The following CDC42SE2 variants were observed in gnomAD, a reference collection of about 807,000 sequenced individuals.
CDC42SE2 encodes the protein CDC42 small effector protein 2.
Under a neutral mutation model 11.5 loss-of-function variants are expected in CDC42SE2, and 3 were observed. The ratio of observed to expected loss-of-function variants is 0.26; its 90% confidence interval spans 0.12 to 0.67. The LOEUF is 0.67. CDC42SE2 is among the 30% of genes least tolerant of loss of function. The pLI, the probability that CDC42SE2 is intolerant of heterozygous loss-of-function variation, is 0.80. For missense variants in CDC42SE2, 82 were observed against 106.8 expected, an observed-to-expected ratio of 0.77 and a Z score of 1.02; for synonymous variants, 33 against 34.8, an observed-to-expected ratio of 0.95 and a Z score of 0.18.
At chr5:131,351,670 T>G (rs1032634258) in intron 2 of CDC42SE2, among the ~76,000 whole-genome samples, 1 of 152,072 alleles carries the variant, frequency 6.6e-6, no homozygotes, top group Non-Finnish European at 1.5e-5. Context: ...CTTTATACTG[T>G]CAAAAACTAA....
chr5:131,270,965 A>G (rs1756983313), intron 1 of CDC42SE2, among the ~76,000 whole-genome samples: 1 of 152,092 alleles, frequency 6.6e-6, no homozygotes, highest in East Asian at 1.9e-4. Context: ...GGGGGAAGGT[A>G]TAGTTTTATT....
At chr5:131,254,621 G>T (rs1331253765) in intron 1 of CDC42SE2, among the ~76,000 whole-genome samples, 1 of 151,832 alleles carries the variant, frequency 6.6e-6, no homozygotes, top group Non-Finnish European at 1.5e-5. Context: ...GCTGTGCATT[G>T]CTCCTATTAC....
chr5:131,239,201 T>A, the CDC42SE2 span, among the ~76,000 whole-genome samples: 1 of 151,354 alleles, frequency 6.6e-6, no homozygotes, highest in Non-Finnish European at 1.5e-5. Context: ...GAAAGAAATA[T>A]ATATATATTA....
the CDC42SE2 span, among the ~76,000 whole-genome samples, chr5:131,220,456 C>T: frequency 6.6e-6 from 1 of 152,172 alleles, no homozygotes; most frequent in African/African-American, 2.4e-5. Context: ...CCGCCCACCT[C>T]AGCTTCCCAA....
At chr5:131,363,828 T>C (rs1358289093) in intron 3 of CDC42SE2, among the ~76,000 whole-genome samples, 1 of 151,828 alleles carries the variant, frequency 6.6e-6, no homozygotes, top group Non-Finnish European at 1.5e-5. Context: ...CCCGAGTAGC[T>C]GGGACTACAG....
intron 2 of CDC42SE2, among the ~76,000 whole-genome samples, chr5:131,344,589 C>T (rs560930217): frequency 1.6e-3 from 250 of 152,324 alleles, no homozygotes; most frequent in African/African-American, 5.7e-3. Flanking sequence ...CATAGCTGAA[C>T]AAAAGGCAGC....
At chr5:131,333,402 A>G (rs1353121937) in intron 2 of CDC42SE2, among the ~76,000 whole-genome samples, 2 of 152,194 alleles carry the variant, frequency 1.3e-5, no homozygotes, top group Admixed American at 1.3e-4. Flanking sequence ...AGGTAGCATG[A>G]TGCCTCCAGC....
chr5:131,334,858 T>C (rs1286785450), intron 2 of CDC42SE2, among the ~76,000 whole-genome samples: 3 of 152,202 alleles, frequency 2.0e-5, no homozygotes, highest in Non-Finnish European at 2.9e-5. Flanking sequence ...TTCTCTCTTT[T>C]CTTCTTTATT....
intron 1 of CDC42SE2, among the ~76,000 whole-genome samples, chr5:131,266,292 A>G (rs1405869481): frequency 6.6e-6 from 1 of 152,136 alleles, no homozygotes; most frequent in Non-Finnish European, 1.5e-5. Flanking sequence ...TGTCTTGATT[A>G]TTATGAAATA....
At chr5:131,352,432 T>C (rs1436996838) in intron 2 of CDC42SE2, among the ~76,000 whole-genome samples, 2 of 152,184 alleles carry the variant, frequency 1.3e-5, no homozygotes, top group Non-Finnish European at 2.9e-5. Flanking sequence ...AAGCCAGATG[T>C]GAAAAAGAGT....
At chr5:131,308,220 G>A (rs866018714) in intron 1 of CDC42SE2, among the ~76,000 whole-genome samples, 37 of 152,174 alleles carry the variant, frequency 2.4e-4, no homozygotes, top group African/African-American at 8.4e-4. Flanking sequence ...CCCATTGCTT[G>A]TTTTTCTCAG....
intron 1 of CDC42SE2, among the ~76,000 whole-genome samples, chr5:131,310,792 T>C (rs1322005620): frequency 0.017 from 2,617 of 151,942 alleles, 73 homozygotes; most frequent in African/African-American, 0.06. Flanking sequence ...TTTCCATTTG[T>C]TTGGTAGAGC....
rs1750634716 is a variant in CDC42SE2, at chr5:131,390,994, T to A, written c.158T>A (p.Val53Asp). The part of the protein sequence containing the change: ...SGDLFSGMNS[V>D]SSIQNQMQSK... ...TGTTGTATTTTTGTCTTGTTTTAGG[T>A]TAGCTCCATTCAGAACCAAATGCAG... The change falls in exon 5 of 5, where the codon GTT (valine) becomes GAT (aspartate). Residue 53 changes from valine (V) to aspartate (D), a missense_variant and splice_region_variant. Val to Asp is a radical substitution (Grantham distance 152). Coordinates refer to ENST00000505065, the MANE Select transcript of CDC42SE2 (RefSeq NM_001375635.1). 6.2e-7 allele frequency: 1 copy of A among 1,607,954 alleles called. No individual in the cohort carries two copies. The highest frequency in any genetic ancestry group is 8.5e-7 in the Non-Finnish European group (1 of 1,175,602).
At chr5:131,330,467 C>T (rs972562197) in intron 2 of CDC42SE2, among the ~76,000 whole-genome samples, 8 of 152,134 alleles carry the variant, frequency 5.3e-5, no homozygotes, top group Non-Finnish European at 1.2e-4. Context: ...TTATCCCTCC[C>T]ATCTGAAGGG....
In CDC42SE2 at chr5:131,392,492, C is replaced by CTTAT. The variant is rs1054714709; in HGVS notation, c.*1404_*1407dup. ...TTTCATAGAAAAAGATTACTTGTAG[C>CTTAT]TTATTTTAGAAGTATGACCTTTTGG... On this transcript the variant is annotated 3_prime_UTR_variant, in exon 5 of 5. Coordinates refer to ENST00000505065, the MANE Select transcript of CDC42SE2 (RefSeq NM_001375635.1). 1 of 152,334 alleles carries CTTAT rather than the reference C, an allele frequency of 6.6e-6. No homozygotes were observed. The highest frequency in any genetic ancestry group is 1.5e-5 in the Non-Finnish European group (1 of 68,016). 9.4% of individuals were successfully genotyped at this position (152,334 alleles called of 1,614,324 possible). A position where few individuals can be genotyped will look rare whatever the true frequency, so the allele number is the denominator to read the frequency against.
At chr5:131,233,155 C>G in the CDC42SE2 span, among the ~76,000 whole-genome samples, 676 of 152,164 alleles carry the variant, frequency 4.4e-3, 9 homozygotes, top group African/African-American at 0.016. Context: ...AAGACCCACA[C>G]TGTTCTACAT....
chr5:131,292,569 A>C (rs866863606), intron 1 of CDC42SE2, among the ~76,000 whole-genome samples: 2,984 of 150,128 alleles, frequency 0.02, 63 homozygotes, highest in African/African-American at 0.045. Context: ...CAAAAAAAAA[A>C]AAAAAACAAA....
intron 3 of CDC42SE2, among the ~76,000 whole-genome samples, chr5:131,368,958 T>C (rs1019378022): frequency 6.6e-6 from 1 of 152,232 alleles, no homozygotes; most frequent in Admixed American, 6.5e-5. Context: ...AAATATATTA[T>C]GAAGCACATA....
intron 2 of CDC42SE2, among the ~76,000 whole-genome samples, chr5:131,336,002 C>A (rs1316101230): frequency 1.3e-5 from 2 of 152,142 alleles, no homozygotes; most frequent in African/African-American, 2.4e-5. Context: ...TGAGTTTGAT[C>A]CTGTCGTTAT....
Sources: gnomAD v4.1 joint callset for allele counts (sites outside exome capture counted in the v4.1 genomes callset) on GRCh38, gnomAD v4.1.1 for gene constraint, MANE v1.5 for transcripts, NCBI Gene and HGNC (gene_info 2026-07-23, HGNC 2026-07-21) for gene names.